The following SESN3 variants were observed in gnomAD, a reference collection of about 807,000 sequenced individuals.
SESN3 encodes the protein sestrin 3, also known as sestrin-3.
In SESN3, 21 loss-of-function variants were observed where a neutral mutation model predicts 55.3. The observed-to-expected ratio is 0.38, with a 90% CI of 0.27 to 0.55. The LOEUF is 0.55. Among genes scored for constraint, SESN3 ranks in the 20% least tolerant of loss-of-function variants. The pLI, the probability that SESN3 is intolerant of heterozygous loss-of-function variation, is 0.76. For synonymous variants in SESN3, 181 were observed against 203.1 expected (o/e 0.89, Z 0.93); for missense variants, 408 against 604.3 (o/e 0.68, Z 3.41).
At chr11:95,198,219 A>G (rs1860398174) in intron 1 of SESN3, among the ~76,000 whole-genome samples, 1 of 152,110 alleles carries the variant, frequency 6.6e-6, no homozygotes. Flanking sequence ...TGAGAATAAT[A>G]TCAATTCTAG....
chr11:95,210,233 T>C (rs1023145024), intron 1 of SESN3, among the ~76,000 whole-genome samples: 1 of 151,914 alleles, frequency 6.6e-6, no homozygotes, highest in African/African-American at 2.4e-5. Context: ...AGGGGAGGGA[T>C]AGCATTAGGA....
intron 1 of SESN3, among the ~76,000 whole-genome samples, chr11:95,204,219 A>G (rs900581828): frequency 2.0e-5 from 3 of 152,148 alleles, no homozygotes; most frequent in African/African-American, 7.2e-5. Flanking sequence ...ATGAAGCTTC[A>G]TTACACTATT....
chr11:95,213,356 A>C (rs1860693839), intron 1 of SESN3, among the ~76,000 whole-genome samples: 1 of 152,204 alleles, frequency 6.6e-6, no homozygotes, highest in South Asian at 2.1e-4. Flanking sequence ...TGACCCCTAT[A>C]CTGAGATAAG....
intron 1 of SESN3, among the ~76,000 whole-genome samples, chr11:95,216,642 A>G (rs1860762573): frequency 6.6e-6 from 1 of 152,062 alleles, no homozygotes; most frequent in South Asian, 2.1e-4. Flanking sequence ...AATTCATTCC[A>G]TTTTCCACTG....
At chr11:95,207,981 G>A (rs1195590611) in intron 1 of SESN3, among the ~76,000 whole-genome samples, 1 of 150,902 alleles carries the variant, frequency 6.6e-6, no homozygotes, top group African/African-American at 2.4e-5. Flanking sequence ...GCTAATTTAT[G>A]TTCTTCATAA....
intron 9 of SESN3, among the ~76,000 whole-genome samples, chr11:95,174,630 T>C (rs1228541277): frequency 6.6e-6 from 1 of 152,032 alleles, no homozygotes; most frequent in African/African-American, 2.4e-5. Context: ...ACAACAGGCA[T>C]GCACAACCAT....
intron 4 of SESN3, among the ~76,000 whole-genome samples, chr11:95,186,381 C>T (rs556209612): frequency 3.9e-5 from 6 of 151,986 alleles, no homozygotes; most frequent in African/African-American, 1.4e-4. Flanking sequence ...TTACTACCCA[C>T]TATTTAACTA....
chr11:95,183,207 C>T (rs1860088311), intron 6 of SESN3, among the ~76,000 whole-genome samples: 1 of 152,100 alleles, frequency 6.6e-6, no homozygotes, highest in South Asian at 2.1e-4. Flanking sequence ...GAATATTAAA[C>T]CAATAATCCA....
intron 1 of SESN3, chr11:95,204,917 A>G (rs773255745): frequency 1.3e-5 from 2 of 152,206 alleles, no homozygotes; most frequent in Non-Finnish European, 2.9e-5. Flanking sequence ...TGCCAGGTAA[A>G]TAAGTATGGA....
rs1241632759 is a variant in SESN3, at chr11:95,172,953, G to A, written c.*302C>T. 3.2e-5 allele frequency: 9 copies of A among 279,298 alleles called. No homozygotes were observed. Among genetic ancestry groups the A allele is most frequent in the Non-Finnish European group, 6.1e-5 (9 of 148,374 alleles). 17.3% of individuals were successfully genotyped at this position (279,298 alleles called of 1,614,324 possible). A position where few individuals can be genotyped will look rare whatever the true frequency, so the allele number is the denominator to read the frequency against. On this transcript the variant is annotated 3_prime_UTR_variant, in exon 10 of 10. Coordinates refer to ENST00000536441, the MANE Select transcript of SESN3 (RefSeq NM_144665.4). The stretch of plus-strand genomic sequence containing the variant: ...CACATACACACAACCCAAAGGCGCT[G>A]AAGTTAAGCATTAATACGCCAGATT...
intron 1 of SESN3, among the ~76,000 whole-genome samples, chr11:95,221,575 A>C (rs1005741733): frequency 2.0e-5 from 3 of 152,250 alleles, no homozygotes; most frequent in African/African-American, 7.2e-5. Context: ...AGTCTTACTA[A>C]AATACATATT....
chr11:95,196,241 G>T (rs1203238078), intron 1 of SESN3, among the ~76,000 whole-genome samples: 1 of 152,026 alleles, frequency 6.6e-6, no homozygotes. Flanking sequence ...ATCTTTTCTG[G>T]CAAGGACTCT....
At position 95,184,584 on chromosome 11, in the gene SESN3, G is replaced by T; in HGVS notation, c.773C>A (p.Ser258Tyr). The change falls in exon 6 of 10, where the codon TCT becomes TAT. Residue 258 changes from serine (S) to tyrosine (Y), a missense_variant. Transcript: ENST00000536441. ...LSGSNFGIVD[S>Y]LSELEALMER... ...CATTAAGGCCTCTAGCTCACTTAGA[G>T]AATCCACAATCTGGAAACAGATAAG... The T allele has an allele frequency of 3.1e-6, 5 of 1,612,128 alleles. No homozygotes were observed. The highest frequency in any genetic ancestry group is 4.2e-6 in the Non-Finnish European group (5 of 1,179,290).
In SESN3 at chr11:95,171,204, G is replaced by A. The variant is rs1216863012; in HGVS notation, c.*2051C>T. 1 of 152,024 alleles carries A rather than the reference G, an allele frequency of 6.6e-6. No individual in the cohort carries two copies. Among genetic ancestry groups the A allele is most frequent in the Non-Finnish European group, 1.5e-5 (1 of 67,968 alleles). 9.4% of individuals were successfully genotyped at this position (152,024 alleles called of 1,614,324 possible). ...TTAGGTAAGTCAAATGGACATTTAT[G>A]TTGCCATTTGTGTTTTGCCATTCTC... On this transcript the variant is annotated 3_prime_UTR_variant, in exon 10 of 10. Coordinates refer to ENST00000536441, the MANE Select transcript of SESN3 (RefSeq NM_144665.4).
rs962619789 is a variant in SESN3 at position 95,168,127 on chromosome 11, A to T, written c.*5128T>A. ...TAGGACCATCTAAATACCCTTTGCC[A>T]TATGTCATTCTATTAGAAATGTGTT... On this transcript the variant is annotated 3_prime_UTR_variant, in exon 10 of 10. Coordinates refer to ENST00000536441, the MANE Select transcript of SESN3 (RefSeq NM_144665.4). 6.6e-6 allele frequency: 1 copy of T among 152,180 alleles called. No homozygotes were observed. The highest frequency in any genetic ancestry group is 6.5e-5 in the Admixed American group (1 of 15,284). The allele number at this position is 152,180 out of a possible 1,614,324, so 9.4% of individuals were successfully genotyped here.
chr11:95,186,889 T>C (rs1860178187), intron 4 of SESN3, among the ~76,000 whole-genome samples: 1 of 151,904 alleles, frequency 6.6e-6, no homozygotes, highest in Non-Finnish European at 1.5e-5. Flanking sequence ...CCTAACCTTG[T>C]AGCCACAAAA....
chr11:95,230,659 T>C lies in SESN3; in HGVS notation c.78+124A>G. Reference sequence around the variant, plus strand: ...AACCCACGCCCCCTTTCTCAGTCCCTGCGGAGGGACGGTGCCCGGGGATCC... The same window carrying C: ...AACCCACGCCCCCTTTCTCAGTCCCCGCGGAGGGACGGTGCCCGGGGATCC... On this transcript the variant is annotated intron_variant, in intron 1 of 9. Coordinates refer to ENST00000536441, the MANE Select transcript of SESN3 (RefSeq NM_144665.4). The surrounding 1 kb of genome is among the most constrained non-coding windows in gnomAD (Gnocchi z 4.6). 2 of 667,466 alleles carry C rather than the reference T, an allele frequency of 3.0e-6. No individual in the cohort carries two copies. Among genetic ancestry groups the C allele is most frequent in the Admixed American group, 2.8e-5 (1 of 35,254 alleles). 41.3% of individuals were successfully genotyped at this position (667,466 alleles called of 1,614,324 possible). A position where few individuals can be genotyped will look rare whatever the true frequency, so the allele number is the denominator to read the frequency against.
chr11:95,184,346 C>T, intron 6 of SESN3, 74 bp downstream of exon 6: 5 of 1,207,106 alleles, frequency 4.1e-6, no homozygotes, highest in Non-Finnish European at 4.9e-6. Context: ...TTTACATATC[C>T]ACATGGAAAA....
chr11:95,223,388 G>A (rs1183280088), intron 1 of SESN3, among the ~76,000 whole-genome samples: 3 of 152,174 alleles, frequency 2.0e-5, no homozygotes, highest in South Asian at 2.1e-4. Flanking sequence ...TCTTTCCCTT[G>A]TAGCCAAGAA....
Sources: allele counts gnomAD v4.1 joint callset (sites outside exome capture counted in the v4.1 genomes callset), GRCh38; gene constraint gnomAD v4.1.1; non-coding constraint Gnocchi (gnomAD v3.1); transcripts MANE v1.5; gene names NCBI Gene and HGNC (gene_info 2026-07-23, HGNC 2026-07-21).